Variants in PPIL4 observed in about 807,000 individuals in gnomAD.
PPIL4 encodes peptidylprolyl isomerase like 4.
In PPIL4, 50 loss-of-function variants were observed where a neutral mutation model predicts 69.1. That is an observed-to-expected ratio of 0.72 (90% CI 0.58 to 0.92). The LOEUF (loss-of-function observed/expected upper bound fraction) is 0.92. Ranked by LOEUF, PPIL4 falls within the 40% of genes least tolerant of loss-of-function variation. The pLI is 0.00. For missense variants in PPIL4, 480 were observed against 587.9 expected, an observed-to-expected ratio of 0.82 and a Z score of 1.90; for synonymous variants, 193 against 191.6, an observed-to-expected ratio of 1.01 and a Z score of -0.06.
Position 149,511,901 on chromosome 6 carries a change from C to A in PPIL4, c.1227+254G>T, listed in dbSNP as rs148109058. Among the ~76,000 whole-genome samples, 3 of 152,246 alleles carry A rather than the reference C, an allele frequency of 2.0e-5. No homozygotes were observed. The South Asian group carries it at 6.2e-4, about 32-fold the overall frequency. ...GGGAATAAAGGAGTATCCACAGGTACGGAAATCACTCTTGCTTCACAATGT... is the reference window on the plus strand; with the variant it reads ...GGGAATAAAGGAGTATCCACAGGTAAGGAAATCACTCTTGCTTCACAATGT... On this transcript the variant is annotated intron_variant, in intron 12 of 12. Coordinates refer to ENST00000253329, the MANE Select transcript of PPIL4 (RefSeq NM_139126.4).
At chr6:149,531,527 G>A (rs1178168873) in intron 7 of PPIL4, among the ~76,000 whole-genome samples, 10 of 85,034 alleles carry the variant, frequency 1.2e-4, no homozygotes, top group Non-Finnish European at 1.6e-4. Flanking sequence ...CAGAAACTCC[G>A]TCTCAAAAAA....
chr6:149,527,843 T>C (rs966869591), intron 7 of PPIL4, among the ~76,000 whole-genome samples: 1 of 152,208 alleles, frequency 6.6e-6, no homozygotes, highest in Non-Finnish European at 1.5e-5. Context: ...GTGTCTCCTC[T>C]TGGATAAACA....
intron 4 of PPIL4, among the ~76,000 whole-genome samples, chr6:149,539,095 C>A (rs1045624534): frequency 1.3e-5 from 2 of 152,168 alleles, no homozygotes; most frequent in African/African-American, 4.8e-5. Flanking sequence ...GATCCGCCCC[C>A]CTCAGCCTCC....
intron 1 of PPIL4, among the ~76,000 whole-genome samples, chr6:149,542,163 T>C (rs568300689): frequency 6.6e-6 from 1 of 152,248 alleles, no homozygotes; most frequent in South Asian, 2.1e-4. Context: ...TACTGATGGA[T>C]TGATTTTATT....
intron 10 of PPIL4, among the ~76,000 whole-genome samples, chr6:149,520,554 C>T (rs1283410628): frequency 1.3e-5 from 2 of 149,360 alleles, no homozygotes; most frequent in Admixed American, 6.7e-5. Context: ...TTAAAATACA[C>T]GCACAGGTGC....
chr6:149,545,419 C>CA (rs1483503737), intron 1 of PPIL4, among the ~76,000 whole-genome samples: 4 of 152,064 alleles, frequency 2.6e-5, no homozygotes, highest in African/African-American at 9.7e-5. Context: ...GGCAAGAAGC[C>CA]AAGCCCAGGA....
chr6:149,542,110 C>T (rs1271016787), intron 1 of PPIL4, among the ~76,000 whole-genome samples: 5 of 151,468 alleles, frequency 3.3e-5, no homozygotes, highest in Non-Finnish European at 7.4e-5. Context: ...AGTTTTGGGG[C>T]ATCTGGGCTA....
rs562253221 is a variant in PPIL4 at position 149,516,692 on chromosome 6, G to A, written c.1079+662C>T. ...AACTTGGAAGAACCTGAAGTAAATG[G>A]TCAAGTCAATGGATTTCTTTTTAAT... On this transcript the variant is annotated intron_variant, in intron 11 of 12. Transcript: ENST00000253329. 3.9e-5 allele frequency among the ~76,000 whole-genome samples: 6 copies of A among 152,192 alleles called. No individual in the cohort carries two copies. The South Asian group carries it at 1.2e-3, about 32-fold the overall frequency.
chr6:149,510,058 CCTA>C (rs1017692183), intron 12 of PPIL4, among the ~76,000 whole-genome samples: 8 of 151,906 alleles, frequency 5.3e-5, no homozygotes, highest in African/African-American at 1.5e-4. Context: ...CTGCACCTGG[CCTA>C]CTACTACTTT....
intron 4 of PPIL4, among the ~76,000 whole-genome samples, chr6:149,540,391 C>T (rs1777341487): frequency 6.6e-6 from 1 of 152,104 alleles, no homozygotes; most frequent in Non-Finnish European, 1.5e-5. Flanking sequence ...CCAAGGCAGG[C>T]GGATCATGAG....
intron 7 of PPIL4, among the ~76,000 whole-genome samples, chr6:149,526,997 G>C (rs997208886): frequency 1.5e-4 from 23 of 152,222 alleles, no homozygotes; most frequent in African/African-American, 5.1e-4. Context: ...TACTTTGTGT[G>C]AACAGTGCTT....
intron 11 of PPIL4, among the ~76,000 whole-genome samples, chr6:149,513,918 A>G (rs984292062): frequency 8.5e-5 from 13 of 152,216 alleles, no homozygotes; most frequent in Non-Finnish European, 1.8e-4. Flanking sequence ...GAAGACTGAC[A>G]TGGGCTGGAA....
chr6:149,512,389 G>C (rs1776866677), intron 11 of PPIL4, 87 bp from the exon 12 acceptor site: 1 of 972,502 alleles, frequency 1.0e-6, no homozygotes, highest in Middle Eastern at 3.0e-4. Flanking sequence ...GAGGTCATAA[G>C]GCTAAAAGTA....
intron 7 of PPIL4, among the ~76,000 whole-genome samples, chr6:149,529,926 T>A (rs1777168572): frequency 6.6e-6 from 1 of 152,192 alleles, no homozygotes; most frequent in South Asian, 2.1e-4. Flanking sequence ...TCCAACTATA[T>A]GACATTTTGA....
intron 9 of PPIL4, among the ~76,000 whole-genome samples, chr6:149,522,657 G>A (rs1295614220): frequency 6.6e-6 from 1 of 152,134 alleles, no homozygotes; most frequent in Non-Finnish European, 1.5e-5. Context: ...TCTGTCGCCA[G>A]GTTGGAGTGC....
intron 11 of PPIL4, among the ~76,000 whole-genome samples, chr6:149,515,978 G>A (rs1776937798): frequency 6.6e-6 from 1 of 152,120 alleles, no homozygotes; most frequent in African/African-American, 2.4e-5. Context: ...ACTGACTTAA[G>A]ACAATTTATC....
chr6:149,537,870 C>G (rs559836936), intron 4 of PPIL4, among the ~76,000 whole-genome samples: 4 of 152,200 alleles, frequency 2.6e-5, no homozygotes, highest in African/African-American at 4.8e-5. Context: ...AATATGACTG[C>G]TCTTTTAATA....
intron 11 of PPIL4, among the ~76,000 whole-genome samples, chr6:149,513,993 G>C (rs1776900483): frequency 6.6e-6 from 1 of 152,112 alleles, no homozygotes; most frequent in Non-Finnish European, 1.5e-5. Context: ...ATTACATGTG[G>C]GACCACAGTA....
intron 7 of PPIL4, among the ~76,000 whole-genome samples, chr6:149,527,946 C>T (rs1046192366): frequency 3.9e-5 from 6 of 152,134 alleles, no homozygotes; most frequent in Non-Finnish European, 5.9e-5. Flanking sequence ...TATCAAAAGA[C>T]AACATTATGT....
Sources: allele counts gnomAD v4.1 joint callset (sites outside exome capture counted in the v4.1 genomes callset), GRCh38; gene constraint gnomAD v4.1.1; transcripts MANE v1.5; gene names NCBI Gene and HGNC (gene_info 2026-07-23, HGNC 2026-07-21).